The following XKR4 variants were observed in gnomAD, a reference collection of about 807,000 sequenced individuals.
XKR4 encodes the protein XK-related protein 4.
XKR4 carries 12 observed loss-of-function variants against 53.9 expected under a neutral mutation model. That is an observed-to-expected ratio of 0.22 (90% CI 0.14 to 0.36). The LOEUF (loss-of-function observed/expected upper bound fraction) is 0.36, where lower values mean the gene tolerates loss of function less well. Among genes scored for constraint, XKR4 ranks in the 10% least tolerant of loss-of-function variants. XKR4 has a pLI of 1.00. For synonymous variants in XKR4, 354 were observed against 362.4 expected (o/e 0.98, Z 0.26); for missense variants, 799 against 859.5 (o/e 0.93, Z 0.88).
At chr8:55,406,087 A>C (rs1804678273) in intron 2 of XKR4, among the ~76,000 whole-genome samples, 1 of 152,206 alleles carries the variant, frequency 6.6e-6, no homozygotes. Flanking sequence ...TCAGCCTCTG[A>C]GTGTATGAAA....
chr8:55,280,713 A>G (rs1283731167), intron 1 of XKR4, among the ~76,000 whole-genome samples: 1 of 152,180 alleles, frequency 6.6e-6, no homozygotes, highest in East Asian at 1.9e-4. Flanking sequence ...AAAATACTTG[A>G]TTTTAGATGT....
chr8:55,371,649 A>G (rs1563334756), intron 2 of XKR4, among the ~76,000 whole-genome samples: 1 of 152,212 alleles, frequency 6.6e-6, no homozygotes, highest in East Asian at 1.9e-4. Context: ...TGTTGGCCAT[A>G]TGGCTCCACT....
intron 1 of XKR4, among the ~76,000 whole-genome samples, chr8:55,277,360 A>G (rs1324288085): frequency 6.6e-6 from 1 of 152,244 alleles, no homozygotes; most frequent in Non-Finnish European, 1.5e-5. Context: ...TTATATGTAT[A>G]TACACATACA....
At chr8:55,245,122 G>C (rs1818267770) in intron 1 of XKR4, among the ~76,000 whole-genome samples, 1 of 151,810 alleles carries the variant, frequency 6.6e-6, no homozygotes, top group Non-Finnish European at 1.5e-5. Context: ...GGCAAGGCTG[G>C]TCTCGAACTC....
At chr8:55,148,582 C>T (rs1816801790) in intron 1 of XKR4, among the ~76,000 whole-genome samples, 1 of 152,112 alleles carries the variant, frequency 6.6e-6, no homozygotes, top group Non-Finnish European at 1.5e-5. Context: ...AAATGCATGT[C>T]AGAGCATGAG....
At chr8:55,267,596 T>C (rs1343104746) in intron 1 of XKR4, among the ~76,000 whole-genome samples, 1 of 143,550 alleles carries the variant, frequency 7.0e-6, no homozygotes, top group African/African-American at 2.5e-5. Context: ...AAGGAAGAGG[T>C]TTCAGGCATT....
intron 1 of XKR4, among the ~76,000 whole-genome samples, chr8:55,270,325 C>G (rs1017973909): frequency 1.3e-5 from 2 of 152,170 alleles, no homozygotes; most frequent in Non-Finnish European, 2.9e-5. Context: ...CCACATTTAC[C>G]TCTACTGAGG....
chr8:55,234,089 T>C (rs1372981804), intron 1 of XKR4, among the ~76,000 whole-genome samples: 3 of 152,148 alleles, frequency 2.0e-5, no homozygotes, highest in Non-Finnish European at 4.4e-5. Flanking sequence ...AGATAGATAT[T>C]AGCAAAATGT....
rs971017328 is a variant in XKR4, at chr8:55,525,346, T to A, written c.*1119T>A. 3.9e-5 allele frequency: 6 copies of A among 152,776 alleles called. No individual in the cohort carries two copies. The highest frequency in any genetic ancestry group is 1.4e-4 in the African/African-American group (6 of 41,560). The allele number at this position is 152,776 out of a possible 1,614,324, so 9.5% of individuals were successfully genotyped here. A position where few individuals can be genotyped will look rare whatever the true frequency, so the allele number is the denominator to read the frequency against. ...TAAAAGCAGGCGAGAGAACGAGCAA[T>A]CAAGTTCTCCACTGTGTACAGACTT... On this transcript the variant is annotated 3_prime_UTR_variant, in exon 3 of 3. Coordinates refer to ENST00000327381, the MANE Select transcript of XKR4 (RefSeq NM_052898.2).
At chr8:55,236,881 C>T (rs1818134544) in intron 1 of XKR4, among the ~76,000 whole-genome samples, 1 of 152,180 alleles carries the variant, frequency 6.6e-6, no homozygotes, top group African/African-American at 2.4e-5. Context: ...TCTGGACTCT[C>T]TCTCCCTCTT....
intron 2 of XKR4, among the ~76,000 whole-genome samples, chr8:55,413,575 TC>T (rs1804804619): frequency 1.3e-5 from 2 of 152,240 alleles, no homozygotes; most frequent in Non-Finnish European, 2.9e-5. Context: ...TATTATTACT[TC>T]CTTTTTCGTG....
chr8:55,318,716 C>T (rs1053835962), intron 1 of XKR4, among the ~76,000 whole-genome samples: 1 of 152,150 alleles, frequency 6.6e-6, no homozygotes, highest in African/African-American at 2.4e-5. Context: ...GCTAACAGTT[C>T]AAGTGGGAAA....
intron 1 of XKR4, among the ~76,000 whole-genome samples, chr8:55,288,580 C>G (rs1212892882): frequency 6.6e-6 from 1 of 152,128 alleles, no homozygotes; most frequent in Non-Finnish European, 1.5e-5. Flanking sequence ...CAGTACAGAG[C>G]AAAGTGTTTT....
At chr8:55,192,239 C>T (rs1463735160) in intron 1 of XKR4, among the ~76,000 whole-genome samples, 1 of 141,584 alleles carries the variant, frequency 7.1e-6, no homozygotes, top group Non-Finnish European at 1.5e-5. Context: ...AGTCCCTTAA[C>T]TTTGTTGAAA....
chr8:55,316,178 C>T (rs941500868), intron 1 of XKR4, among the ~76,000 whole-genome samples: 1 of 152,226 alleles, frequency 6.6e-6, no homozygotes, highest in Non-Finnish European at 1.5e-5. Context: ...TAATAATTTA[C>T]AGTCTCTAAA....
At chr8:55,115,407 T>C (rs1816292630) in intron 1 of XKR4, among the ~76,000 whole-genome samples, 1 of 129,842 alleles carries the variant, frequency 7.7e-6, no homozygotes, top group Non-Finnish European at 1.7e-5. Context: ...CACACACAAA[T>C]GAATCTCCTT....
chr8:55,207,636 G>A (rs1419383964), intron 1 of XKR4, among the ~76,000 whole-genome samples: 1 of 3,538 alleles, frequency 2.8e-4, no homozygotes, highest in Non-Finnish European at 6.6e-4. Flanking sequence ...ACATGCGCGC[G>A]CACACACACA....
intron 1 of XKR4, among the ~76,000 whole-genome samples, chr8:55,158,269 T>C (rs2129356645): frequency 6.6e-6 from 1 of 152,350 alleles, no homozygotes; most frequent in African/African-American, 2.4e-5. Context: ...ACGTTGAGGA[T>C]TTTTAAATGT....
intron 2 of XKR4, among the ~76,000 whole-genome samples, chr8:55,494,370 C>T (rs1338172611): frequency 6.6e-6 from 1 of 152,256 alleles, no homozygotes; most frequent in African/African-American, 2.4e-5. Context: ...AGCCACAGCT[C>T]TCCTCTTCTT....
Sources: gnomAD v4.1 joint callset for allele counts (sites outside exome capture counted in the v4.1 genomes callset) on GRCh38, gnomAD v4.1.1 for gene constraint, MANE v1.5 for transcripts, NCBI Gene and HGNC (gene_info 2026-07-23, HGNC 2026-07-21) for gene names.